IL1RAPL2: variants seen among roughly 807,000 people sequenced by gnomAD.
The protein encoded by IL1RAPL2 is interleukin 1 receptor accessory protein like 2.
In IL1RAPL2, 3 loss-of-function variants were observed where a neutral mutation model predicts 44.1. The observed-to-expected ratio is 0.07, with a 90% confidence interval of 0.03 to 0.18. IL1RAPL2 has a LOEUF of 0.18. Ranked by LOEUF, IL1RAPL2 falls within the 10% of genes least tolerant of loss-of-function variation. IL1RAPL2 has a pLI of 1.00. For missense variants in IL1RAPL2, 391 were observed against 496.4 expected (o/e 0.79, Z 2.02); for synonymous variants, 181 against 178.8 (o/e 1.01, Z -0.10).
intron 2 of IL1RAPL2, among the ~76,000 whole-genome samples, chrX:105,177,330 G>A (rs777999531): frequency 7.9e-4 from 87 of 110,268 alleles, no homozygotes; most frequent in African/African-American, 2.8e-3. Flanking sequence ...ACCCCCAGAT[G>A]GGACCATCTA....
chrX:104,692,695 C>T (rs757772117), intron 2 of IL1RAPL2, among the ~76,000 whole-genome samples: 4 of 111,397 alleles, frequency 3.6e-5, no homozygotes, highest in South Asian at 3.8e-4. Context: ...TATGGCTGCA[C>T]AGTATTCCAT....
intron 2 of IL1RAPL2, among the ~76,000 whole-genome samples, chrX:104,941,574 A>G (rs2147702928): frequency 9.0e-6 from 1 of 111,270 alleles, no homozygotes; most frequent in Non-Finnish European, 1.9e-5. Context: ...AATTTGTTTA[A>G]GTTCTTTGTA....
chrX:105,129,758 CTT>C (rs1197219404), intron 2 of IL1RAPL2, among the ~76,000 whole-genome samples: 1 of 110,596 alleles, frequency 9.0e-6, no homozygotes, highest in Non-Finnish European at 1.9e-5. Flanking sequence ...CCTTCTTGAC[CTT>C]TTTTGGTGTA....
In IL1RAPL2 at chrX:105,659,023, C is replaced by T. The variant is rs780223625; in HGVS notation, c.773-58344C>T. On this transcript the variant is annotated intron_variant, in intron 6 of 10. Coordinates refer to ENST00000372582, the MANE Select transcript of IL1RAPL2 (RefSeq NM_017416.2). Reference sequence around the variant, plus strand: ...GTGCCTATAGTCCCAGCTATGTGGGCGGCTGAGGCACGAGAATCACATGAA... The same window carrying T: ...GTGCCTATAGTCCCAGCTATGTGGGTGGCTGAGGCACGAGAATCACATGAA... Among the ~76,000 whole-genome samples the T allele has an allele frequency of 6.0e-4, 65 of 107,445 alleles. 1 individual carries two copies. Among genetic ancestry groups the T allele is most frequent in the African/African-American group, 2.1e-3 (63 of 29,474 alleles). 93.3% of individuals were successfully genotyped at this position (107,445 alleles called of 115,157 possible). A position where few individuals can be genotyped will look rare whatever the true frequency, so the allele number is the denominator to read the frequency against.
intron 2 of IL1RAPL2, among the ~76,000 whole-genome samples, chrX:105,148,665 A>T (rs2033199858): frequency 9.0e-6 from 1 of 111,664 alleles, no homozygotes. Flanking sequence ...AGGCATTTTT[A>T]AAAGGAAATC....
chrX:105,202,710 A>G (rs1556147493), intron 3 of IL1RAPL2, among the ~76,000 whole-genome samples: 1 of 111,823 alleles, frequency 8.9e-6, no homozygotes, highest in African/African-American at 3.3e-5. Flanking sequence ...ATCAATCATT[A>G]TAATCACTCC....
intron 2 of IL1RAPL2, among the ~76,000 whole-genome samples, chrX:104,780,667 C>T (rs1221515041): frequency 9.0e-6 from 1 of 111,716 alleles, no homozygotes; most frequent in Non-Finnish European, 1.9e-5. Flanking sequence ...ATAGCCAATT[C>T]GATCCAAGCT....
At chrX:104,618,969 A>G (rs1044627228) in intron 1 of IL1RAPL2, among the ~76,000 whole-genome samples, 16 of 111,926 alleles carry the variant, frequency 1.4e-4, no homozygotes, top group African/African-American at 5.2e-4. Flanking sequence ...GCACCCAGCA[A>G]TGGCACACAC....
chrX:105,659,661 AAAAT>A (rs1286799829), intron 6 of IL1RAPL2, among the ~76,000 whole-genome samples: 5 of 107,625 alleles, frequency 4.6e-5, no homozygotes, highest in Non-Finnish European at 9.6e-5. Context: ...TGTCTCAAAA[AAAAT>A]AAATAAAATA....
intron 5 of IL1RAPL2, among the ~76,000 whole-genome samples, chrX:105,447,092 TATATATATATATATAAAAATATATATAA>T (rs2035962081): frequency 1.7e-5 from 1 of 58,042 alleles, no homozygotes; most frequent in African/African-American, 1.0e-4. Context: ...TATATATATA[TATATATATATATATAAAAATATATATAA>T]ATATAAATAT....
intron 6 of IL1RAPL2, among the ~76,000 whole-genome samples, chrX:105,670,542 C>A (rs1165664718): frequency 9.3e-6 from 1 of 106,963 alleles, no homozygotes; most frequent in East Asian, 3.0e-4. Context: ...CTCGTGATGC[C>A]CCCGCCTCAG....
intron 2 of IL1RAPL2, among the ~76,000 whole-genome samples, chrX:104,864,041 G>A (rs987249952): frequency 2.7e-5 from 3 of 111,822 alleles, no homozygotes; most frequent in Non-Finnish European, 3.8e-5. Context: ...ACACTTGGGG[G>A]AAGCTTGTTG....
At chrX:105,544,067 T>C (rs1456047958) in intron 6 of IL1RAPL2, among the ~76,000 whole-genome samples, 1 of 111,900 alleles carries the variant, frequency 8.9e-6, no homozygotes, top group African/African-American at 3.2e-5. Context: ...GTGTTTCCAT[T>C]TGTATATATT....
chrX:105,220,678 T>C, intron 3 of IL1RAPL2: 1 of 268,017 alleles, frequency 3.7e-6, no homozygotes, highest in South Asian at 1.9e-4. Flanking sequence ...CTCTCCCTCC[T>C]AAGGTTCCAG....
In IL1RAPL2 at chrX:105,084,859, G is replaced by C. The variant is rs149998186; in HGVS notation, c.83-110616G>C. Among the ~76,000 whole-genome samples the C allele has an allele frequency of 1.5e-3, 169 of 111,814 alleles. No individual in the cohort carries two copies. The East Asian group carries it at 0.035, about 23-fold the overall frequency. Reference sequence around the variant, plus strand: ...GTAGTCCCCATAATCCCCACATGTCGAGGGAGGGACCAGCTGGGAGATGAT... The same window carrying C: ...GTAGTCCCCATAATCCCCACATGTCCAGGGAGGGACCAGCTGGGAGATGAT... On this transcript the variant is annotated intron_variant, in intron 2 of 10. Coordinates refer to ENST00000372582, the MANE Select transcript of IL1RAPL2 (RefSeq NM_017416.2).
intron 2 of IL1RAPL2, among the ~76,000 whole-genome samples, chrX:104,707,780 A>C (rs1931387139): frequency 8.9e-6 from 1 of 111,940 alleles, no homozygotes; most frequent in Admixed American, 9.5e-5. Context: ...GTGTTCTTTC[A>C]AAGTAAATAT....
In IL1RAPL2 at chrX:105,087,717, T is replaced by TAA. The variant is rs1336155897; in HGVS notation, c.83-107755_83-107754dup. 3.6e-5 allele frequency among the ~76,000 whole-genome samples: 4 copies of TAA among 112,153 alleles called. 1 individual carries two copies. The Admixed American group carries it at 3.8e-4, about 11-fold the overall frequency. ...CTCTTTCTCTCTGTTTTCTCATATA[T>TAA]AAAATGGGGGTAATAAGGAAGTTCC... On this transcript the variant is annotated intron_variant, in intron 2 of 10. Transcript: ENST00000372582.
chrX:105,073,814 G>T (rs1340816866), intron 2 of IL1RAPL2, among the ~76,000 whole-genome samples: 1 of 111,734 alleles, frequency 8.9e-6, no homozygotes, highest in Non-Finnish European at 1.9e-5. Context: ...TTTTTCATGT[G>T]TTTTTTTGGC....
chrX:104,910,874 C>T (rs953345331), intron 2 of IL1RAPL2, among the ~76,000 whole-genome samples: 1 of 111,448 alleles, frequency 9.0e-6, no homozygotes, highest in Non-Finnish European at 1.9e-5. Context: ...CAGCCTTCTA[C>T]TTCTAAGACC....
Sources: allele counts gnomAD v4.1 joint callset (sites outside exome capture counted in the v4.1 genomes callset), GRCh38; gene constraint gnomAD v4.1.1; transcripts MANE v1.5; gene names NCBI Gene and HGNC (gene_info 2026-07-23, HGNC 2026-07-21).